LYRM4: variants seen among roughly 807,000 people sequenced by gnomAD.
LYRM4 encodes LYR motif-containing protein 4.
A neutral mutation model predicts 11.7 loss-of-function variants in LYRM4; 9 were observed. That is an observed-to-expected ratio of 0.77 (90% confidence interval 0.46 to 1.34). LYRM4 has a LOEUF of 1.34. Ranked by LOEUF, LYRM4 falls within the 40% of genes most tolerant of loss-of-function variation. The probability of loss-of-function intolerance (pLI) is 0.00; values close to 1 mark genes in which losing one functional copy is unlikely to be tolerated. For synonymous variants in LYRM4, 42 were observed against 40.4 expected, an observed-to-expected ratio of 1.04 and a Z score of -0.15; for missense variants, 133 against 112.5, an observed-to-expected ratio of 1.18 and a Z score of -0.82.
chr6:5,048,696 CA>C, the LYRM4 span, among the ~76,000 whole-genome samples: 1 of 152,200 alleles, frequency 6.6e-6, no homozygotes, highest in African/African-American at 2.4e-5. Flanking sequence ...TTCACCTCAT[CA>C]CTTTTTGCTT....
chr6:5,230,156 T>G (rs1763148995), intron 1 of LYRM4, among the ~76,000 whole-genome samples: 1 of 152,156 alleles, frequency 6.6e-6, no homozygotes. Context: ...ATTTAGACAG[T>G]GCAATTTCCT....
the LYRM4 span, among the ~76,000 whole-genome samples, chr6:5,057,690 GGGCGA>G: frequency 6.6e-6 from 1 of 151,312 alleles, no homozygotes; most frequent in Non-Finnish European, 1.5e-5. Context: ...ACTCTAGCCT[GGGCGA>G]CAGAGCGAGA....
the LYRM4 span, among the ~76,000 whole-genome samples, chr6:5,058,341 T>G: frequency 6.6e-5 from 10 of 152,162 alleles, no homozygotes; most frequent in African/African-American, 2.2e-4. Context: ...TGCTGCCTGC[T>G]TTCTCAACGG....
downstream of LYRM4, chr6:5,103,229 G>A (rs2127589758): frequency 6.6e-6 from 1 of 152,350 alleles, no homozygotes; most frequent in South Asian, 2.1e-4. Context: ...TGTAACAACT[G>A]GCAAACACAG....
chr6:5,123,956 T>C (rs388597), intron 2 of LYRM4, among the ~76,000 whole-genome samples: 142,685 of 152,280 alleles, frequency 0.94, 66,977 homozygotes, highest in African/African-American at 0.99. Context: ...GAGCCTCAGA[T>C]GACACTGGGG....
chr6:5,178,425 A>G (rs1163513671), intron 2 of LYRM4, among the ~76,000 whole-genome samples: 1 of 151,140 alleles, frequency 6.6e-6, no homozygotes, highest in Non-Finnish European at 1.5e-5. Context: ...TCTTAAAAAA[A>G]TTGTTTAGGG....
intron 2 of LYRM4, among the ~76,000 whole-genome samples, chr6:5,167,045 C>T (rs1759127003): frequency 6.6e-6 from 1 of 152,160 alleles, no homozygotes; most frequent in Non-Finnish European, 1.5e-5. Context: ...CACTGGCTTC[C>T]AGAAGTTCCT....
At chr6:5,141,784 G>A (rs1162642604) in intron 2 of LYRM4, among the ~76,000 whole-genome samples, 2 of 152,176 alleles carry the variant, frequency 1.3e-5, no homozygotes, top group South Asian at 2.1e-4. Flanking sequence ...TACCACTGAG[G>A]AATAGGCATG....
chr6:5,218,284 A>AG lies in LYRM4; in HGVS notation c.87-1547dup, dbSNP rs2127725867. 5.1e-6 allele frequency: 5 copies of AG among 985,356 alleles called. No homozygotes were observed. The South Asian group carries it at 1.9e-4, about 37-fold the overall frequency. 61.0% of individuals were successfully genotyped at this position (985,356 alleles called of 1,614,324 possible). A position where few individuals can be genotyped will look rare whatever the true frequency, so the allele number is the denominator to read the frequency against. On this transcript the variant is annotated intron_variant, in intron 1 of 2. Coordinates refer to ENST00000330636, the MANE Select transcript of LYRM4 (RefSeq NM_020408.6). Reference sequence around the variant, plus strand: ...GTTAAAGAATCCATGTGATGCCAGTAGTAATATTTAGCAACAGAAGAATGG... The same window carrying AG: ...GTTAAAGAATCCATGTGATGCCAGTAGGTAATATTTAGCAACAGAAGAATGG...
chr6:5,114,944 G>C (rs1038749509), intron 2 of LYRM4, among the ~76,000 whole-genome samples: 12 of 152,150 alleles, frequency 7.9e-5, no homozygotes, highest in Non-Finnish European at 4.4e-5. Flanking sequence ...ATCACATATA[G>C]ATTTAAAACG....
chr6:5,184,693 C>T (rs1220402047), intron 2 of LYRM4, among the ~76,000 whole-genome samples: 3 of 152,198 alleles, frequency 2.0e-5, no homozygotes, highest in Non-Finnish European at 4.4e-5. Flanking sequence ...ATATGCCCTG[C>T]ACTGTAACAT....
intron 2 of LYRM4, among the ~76,000 whole-genome samples, chr6:5,133,890 C>A (rs1362935563): frequency 6.6e-6 from 1 of 152,222 alleles, no homozygotes; most frequent in Non-Finnish European, 1.5e-5. Context: ...CTTTCATTTA[C>A]CGCAGTGTTT....
the LYRM4 span, among the ~76,000 whole-genome samples, chr6:5,096,097 C>T: frequency 1.3e-5 from 2 of 152,118 alleles, no homozygotes; most frequent in East Asian, 1.9e-4. Context: ...TGGAAAGCTG[C>T]GTGAAGGGGA....
At chr6:5,099,271 C>T (rs546457736), downstream of LYRM4, among the ~76,000 whole-genome samples, 2 of 151,360 alleles carry the variant, frequency 1.3e-5, no homozygotes, top group African/African-American at 2.4e-5. This position sits in a 1 kb window ranked among gnomAD's most constrained non-coding sequence, Gnocchi z 4.3. Context: ...GGCATGATCT[C>T]GGCTCACTGC....
At chr6:5,042,874 A>G in the LYRM4 span, 1 of 152,190 alleles carries the variant, frequency 6.6e-6, no homozygotes, top group East Asian at 1.9e-4. Flanking sequence ...CTGCCAAAAC[A>G]TGCACCGTCC....
the LYRM4 span, among the ~76,000 whole-genome samples, chr6:5,069,902 T>G: frequency 3.9e-5 from 6 of 152,246 alleles, no homozygotes; most frequent in African/African-American, 1.4e-4. Context: ...CCCTAGCACC[T>G]GGAGGCATGT....
At chr6:5,099,365 C>T (rs1192411022), downstream of LYRM4, among the ~76,000 whole-genome samples, 6 of 147,958 alleles carry the variant, frequency 4.1e-5, no homozygotes, top group South Asian at 2.3e-4. This position sits in a 1 kb window ranked among gnomAD's most constrained non-coding sequence, Gnocchi z 4.3. Context: ...CCACCACACT[C>T]GGCTAATTAA....
the LYRM4 span, among the ~76,000 whole-genome samples, chr6:5,067,685 A>G: frequency 1.3e-5 from 2 of 152,364 alleles, no homozygotes; most frequent in South Asian, 4.1e-4. Context: ...ACTACCATGC[A>G]GGGAAACTAA....
chr6:5,113,889 C>A (rs1002416201), intron 2 of LYRM4, among the ~76,000 whole-genome samples: 1 of 152,262 alleles, frequency 6.6e-6, no homozygotes, highest in South Asian at 2.1e-4. Flanking sequence ...CTTCATAATG[C>A]GAATTACACA....
Sources: allele counts gnomAD v4.1 joint callset (sites outside exome capture counted in the v4.1 genomes callset), GRCh38; gene constraint gnomAD v4.1.1; non-coding constraint Gnocchi (gnomAD v3.1); transcripts MANE v1.5; gene names NCBI Gene and HGNC (gene_info 2026-07-23, HGNC 2026-07-21).